The following JAZF1 variants were observed in gnomAD, a reference collection of about 807,000 sequenced individuals.
JAZF1 encodes the protein juxtaposed with another zinc finger protein 1.
In JAZF1, 8 loss-of-function variants were observed where a neutral mutation model predicts 26.4. The ratio of observed to expected loss-of-function variants is 0.30; its 90% CI spans 0.18 to 0.55. JAZF1 has a LOEUF of 0.55. JAZF1 is among the 20% of genes least tolerant of loss of function. The pLI, the probability that JAZF1 is intolerant of heterozygous loss-of-function variation, is 0.94. For missense variants in JAZF1, 199 were observed against 322.0 expected (o/e 0.62, Z 2.92); for synonymous variants, 126 against 122.3 (o/e 1.03, Z -0.20).
At chr7:28,001,419 A>G (rs1186508851) in intron 1 of JAZF1, among the ~76,000 whole-genome samples, 2 of 152,156 alleles carry the variant, frequency 1.3e-5, no homozygotes. Context: ...TCTAAGACAG[A>G]CTACAATGTT....
intron 2 of JAZF1, among the ~76,000 whole-genome samples, chr7:27,956,316 C>T (rs920143616): frequency 2.3e-4 from 35 of 152,112 alleles, no homozygotes; most frequent in Admixed American, 7.2e-4. Flanking sequence ...ACTGAGGGTC[C>T]GGACCTTTGA....
intron 1 of JAZF1, among the ~76,000 whole-genome samples, chr7:28,162,021 G>T (rs115505694): frequency 6.6e-6 from 1 of 152,092 alleles, no homozygotes; most frequent in Non-Finnish European, 1.5e-5. Flanking sequence ...ACAATAAATT[G>T]TAATTGCTAT....
At chr7:28,034,906 T>TA (rs1290790686) in intron 1 of JAZF1, among the ~76,000 whole-genome samples, 1 of 152,206 alleles carries the variant, frequency 6.6e-6, no homozygotes, top group Non-Finnish European at 1.5e-5. Context: ...TGTGATTTTT[T>TA]ACTATCCTGT....
At chr7:27,876,703 G>A (rs917328459) in intron 3 of JAZF1, among the ~76,000 whole-genome samples, 3 of 152,178 alleles carry the variant, frequency 2.0e-5, no homozygotes, top group African/African-American at 7.2e-5. Flanking sequence ...ATAAGATCCC[G>A]GATAGCAGAC....
chr7:27,839,082 G>C lies in JAZF1; in HGVS notation c.555+1616C>G, dbSNP rs150603422. ...AGAAATGACAAGGAGGAAAGGATGC[G>C]AGTAAGAAAAGGGGATGGAGCTGGA... On this transcript the variant is annotated intron_variant, in intron 4 of 4. Coordinates refer to ENST00000283928, the MANE Select transcript of JAZF1 (RefSeq NM_175061.4). Among the ~76,000 whole-genome samples the C allele has an allele frequency of 8.6e-3, 1,311 of 152,322 alleles. 18 individuals carry two copies. The highest frequency in any genetic ancestry group is 0.029 in the African/African-American group (1,198 of 41,568).
intron 1 of JAZF1, among the ~76,000 whole-genome samples, chr7:28,074,070 T>C (rs1412541861): frequency 1.3e-5 from 2 of 152,102 alleles, no homozygotes; most frequent in African/African-American, 4.8e-5. Context: ...AACAGTACTG[T>C]ACAGGGTCAT....
At chr7:28,077,368 G>A (rs1380893663) in intron 1 of JAZF1, among the ~76,000 whole-genome samples, 1 of 151,998 alleles carries the variant, frequency 6.6e-6, no homozygotes, top group Admixed American at 6.6e-5. Flanking sequence ...AGACTATAAA[G>A]GCTTTAATTA....
At chr7:28,167,753 T>G (rs1442159334) in intron 1 of JAZF1, among the ~76,000 whole-genome samples, 2 of 152,202 alleles carry the variant, frequency 1.3e-5, no homozygotes, top group African/African-American at 4.8e-5. Flanking sequence ...ACTTTTAGGA[T>G]TAAGGCTTAT....
chr7:27,961,382 G>T (rs1039303043), intron 2 of JAZF1, among the ~76,000 whole-genome samples: 4 of 152,170 alleles, frequency 2.6e-5, no homozygotes, highest in Non-Finnish European at 5.9e-5. Flanking sequence ...TATATGAAAC[G>T]TAATTGCCTG....
At chr7:27,887,660 T>C (rs949860298) in intron 3 of JAZF1, among the ~76,000 whole-genome samples, 2 of 152,108 alleles carry the variant, frequency 1.3e-5, no homozygotes, top group African/African-American at 4.8e-5. Flanking sequence ...AGGGGATCTG[T>C]CCGTCTTGGA....
chr7:27,896,639 C>T (rs1324410397), intron 2 of JAZF1, among the ~76,000 whole-genome samples: 1 of 152,230 alleles, frequency 6.6e-6, no homozygotes, highest in East Asian at 1.9e-4. Context: ...TTTTTCCTCA[C>T]TACACAATGA....
chr7:27,885,355 G>GTTA (rs904695293), intron 3 of JAZF1, among the ~76,000 whole-genome samples: 1 of 152,162 alleles, frequency 6.6e-6, no homozygotes, highest in African/African-American at 2.4e-5. Flanking sequence ...ATTTAAAAGG[G>GTTA]TTATTGCTAC....
At chr7:28,012,904 A>C (rs1423792959) in intron 1 of JAZF1, among the ~76,000 whole-genome samples, 2 of 152,280 alleles carry the variant, frequency 1.3e-5, no homozygotes, top group East Asian at 3.9e-4. Flanking sequence ...AATTTGAAGA[A>C]AGTTTTGCAG....
intron 1 of JAZF1, among the ~76,000 whole-genome samples, chr7:28,024,937 T>C (rs908568252): frequency 6.6e-6 from 1 of 152,172 alleles, no homozygotes; most frequent in East Asian, 1.9e-4. Context: ...AGCAGAATCA[T>C]AGACTGAGGT....
intron 2 of JAZF1, among the ~76,000 whole-genome samples, chr7:27,905,980 G>A (rs1254811386): frequency 6.6e-6 from 1 of 152,104 alleles, no homozygotes; most frequent in East Asian, 1.9e-4. Flanking sequence ...ATAACATACT[G>A]TTTACAATTA....
At position 27,831,207 on chromosome 7, in the gene JAZF1, A is replaced by G. The variant is rs1026273799; in HGVS notation, c.*1593T>C. 1 of 223,374 alleles carries G rather than the reference A, an allele frequency of 4.5e-6. No individual in the cohort carries two copies. The highest frequency in any genetic ancestry group is 2.2e-5 in the African/African-American group (1 of 44,728). The allele number at this position is 223,374 out of a possible 1,614,324, so 13.8% of individuals were successfully genotyped here. A position where few individuals can be genotyped will look rare whatever the true frequency, so the allele number is the denominator to read the frequency against. On this transcript the variant is annotated 3_prime_UTR_variant, in exon 5 of 5. Transcript: ENST00000283928. ...TGAATCCCTCATAATGAAGGATTTT[A>G]GAACTTATGAATATAGAGGTTTACT...
chr7:28,010,209 A>G (rs1464504591), intron 1 of JAZF1, among the ~76,000 whole-genome samples: 1 of 152,192 alleles, frequency 6.6e-6, no homozygotes, highest in Non-Finnish European at 1.5e-5. Context: ...GTTCAGAGAA[A>G]ATCAGGGGGT....
chr7:27,900,646 T>C (rs182332339), intron 2 of JAZF1, among the ~76,000 whole-genome samples: 12 of 152,326 alleles, frequency 7.9e-5, no homozygotes, highest in Admixed American at 2.6e-4. Flanking sequence ...ACCGGGCTTC[T>C]TGCCTACTCA....
At chr7:27,997,842 G>C (rs1338084787) in intron 1 of JAZF1, among the ~76,000 whole-genome samples, 1 of 151,972 alleles carries the variant, frequency 6.6e-6, no homozygotes, top group Non-Finnish European at 1.5e-5. Flanking sequence ...CCAAAGTGCT[G>C]GGATTACAGT....
Sources: allele counts gnomAD v4.1 joint callset (sites outside exome capture counted in the v4.1 genomes callset), GRCh38; gene constraint gnomAD v4.1.1; transcripts MANE v1.5; gene names NCBI Gene and HGNC (gene_info 2026-07-23, HGNC 2026-07-21).